SYNPO: variants seen among roughly 807,000 people sequenced by gnomAD.
SYNPO encodes synaptopodin.
A neutral mutation model predicts 49.5 loss-of-function variants in SYNPO; 19 were observed. The ratio of observed to expected loss-of-function variants is 0.38; its 90% CI spans 0.27 to 0.56. The LOEUF is 0.56. SYNPO is among the 20% of genes least tolerant of loss of function. The pLI is 0.68. For synonymous variants in SYNPO, 536 were observed against 548.0 expected, an observed-to-expected ratio of 0.98 and a Z score of 0.31; for missense variants, 1,131 against 1,248.3, an observed-to-expected ratio of 0.91 and a Z score of 1.42.
intron 1 of SYNPO, among the ~76,000 whole-genome samples, chr5:150,603,178 A>T (rs1686081487): frequency 6.6e-6 from 1 of 152,234 alleles, no homozygotes; most frequent in Non-Finnish European, 1.5e-5. Context: ...TTGTCCCCTG[A>T]CTGACATTTT....
rs549971625 is a variant in SYNPO, at chr5:150,619,584, C to A, written c.400+817C>A. ...ACGCTGAATCACCTCCACAGCCAGC[C>A]CATGGAAACGCTGAAGTGGGTCCAG... On this transcript the variant is annotated intron_variant, in intron 2 of 2. Coordinates refer to the SYNPO transcript ENST00000394243. Among the ~76,000 whole-genome samples the A allele has an allele frequency of 3.9e-5, 6 of 152,272 alleles. No individual in the cohort carries two copies. In the East Asian group the frequency reaches 1.2e-3, roughly 30 times the overall value.
intron 1 of SYNPO, chr5:150,615,353 C>T (rs529210054): frequency 4.6e-5 from 7 of 152,190 alleles, no homozygotes; most frequent in Admixed American, 2.0e-4. Flanking sequence ...CCGTGGCCAC[C>T]GTCAAATACA....
the SYNPO span, among the ~76,000 whole-genome samples, chr5:150,586,202 C>T: frequency 1.6e-4 from 24 of 152,226 alleles, no homozygotes; most frequent in South Asian, 4.1e-4. Flanking sequence ...AGGGAAAGCT[C>T]ATGCTTGACA....
At chr5:150,655,313 T>G (rs552907984) in intron 2 of SYNPO, among the ~76,000 whole-genome samples, 16 of 152,186 alleles carry the variant, frequency 1.1e-4, no homozygotes, top group Non-Finnish European at 2.1e-4. Flanking sequence ...CTGACTGGCT[T>G]GGGTCATGAG....
At chr5:150,618,685 G>T (rs780121965) in exon 2 of SYNPO, 18 of 1,551,286 alleles carry the variant, frequency 1.2e-5, no homozygotes, top group Non-Finnish European at 1.6e-5. Flanking sequence ...GGGCCAGCCA[G>T]GACTGGGATG....
At chr5:150,641,515 T>TGG (rs982163873) in intron 1 of SYNPO, among the ~76,000 whole-genome samples, 7 of 152,176 alleles carry the variant, frequency 4.6e-5, no homozygotes, top group Non-Finnish European at 8.8e-5. Flanking sequence ...CTCCCTGTCC[T>TGG]GACCTTCTGC....
At chr5:150,640,609 G>A (rs145505200), upstream of SYNPO, 1 of 978,702 alleles carries the variant, frequency 1.0e-6, no homozygotes, top group African/African-American at 1.7e-5. Context: ...GCGGGGGAGA[G>A]ACTGGGGGTG....
chr5:150,597,522 C>T (rs188541620), upstream of SYNPO, among the ~76,000 whole-genome samples: 48 of 152,068 alleles, frequency 3.2e-4, no homozygotes, highest in African/African-American at 1.1e-3. Flanking sequence ...TTAGTAGAGA[C>T]AAGGTTTCTC....
rs1223079545 is a variant in SYNPO at position 150,656,446 on chromosome 5, G to A, written c.2071G>A (p.Gly691Ser). The change falls in exon 3 of 3, where the codon GGC (glycine) becomes AGC (serine). Residue 691 changes from glycine to serine, a missense_variant. Transcript: ENST00000307662. ...GCCCACCTCCCCACCCTGGACGCCG[G>A]GCGCGTCCCGGCCCCCCAGCAGCCT... ...SLPTSPPWTP[G>S]ASRPPSSLDG... is the part of the protein sequence containing the mutation. 3 of 1,531,980 alleles carry A rather than the reference G, an allele frequency of 2.0e-6. No homozygotes were observed. Among genetic ancestry groups the A allele is most frequent in the Non-Finnish European group, 2.6e-6 (3 of 1,145,322 alleles). The allele number at this position is 1,531,980 out of a possible 1,614,324, so 94.9% of individuals were successfully genotyped here.
In SYNPO at chr5:150,649,611, G is replaced by A; in HGVS notation, c.1336G>A (p.Glu446Lys). 1 of 1,609,096 alleles carries A rather than the reference G, an allele frequency of 6.2e-7. No individual in the cohort carries two copies. The highest frequency in any genetic ancestry group is 1.1e-5 in the South Asian group (1 of 91,012). Residue 446 changes from glutamate to lysine, a missense_variant, in exon 2 of 3, where the codon GAG becomes AAG. Physicochemically the swap from Glu to Lys is moderately conservative, Grantham distance 56. Coordinates refer to ENST00000307662, the MANE Select transcript of SYNPO (RefSeq NM_007286.6). ...TGACAGGGCCAGCCCCGCGGCGGCG[G>A]AGGAGGTGGTACCAGAGTGGGCCTC... ...PRDRASPAAA[E>K]EVVPEWASCL...
intron 2 of SYNPO, among the ~76,000 whole-genome samples, chr5:150,627,482 T>G (rs1245153105): frequency 6.6e-6 from 1 of 152,050 alleles, no homozygotes; most frequent in Non-Finnish European, 1.5e-5. Flanking sequence ...GACACTGAGG[T>G]TGCAGTAGTG....
intron 2 of SYNPO, chr5:150,651,204 G>A (rs1043691623): frequency 1.8e-5 from 18 of 1,009,264 alleles, no homozygotes; most frequent in Non-Finnish European, 2.0e-5. Context: ...TGGCTGTTTT[G>A]GCTTCAGATT....
At chr5:150,601,482 G>C (rs1298609275) in intron 1 of SYNPO, among the ~76,000 whole-genome samples, 1 of 152,166 alleles carries the variant, frequency 6.6e-6, no homozygotes, top group African/African-American at 2.4e-5. Flanking sequence ...GGTGGGTGAG[G>C]GGCTGTGCAG....
chr5:150,587,355 G>T, the SYNPO span, among the ~76,000 whole-genome samples: 1 of 151,126 alleles, frequency 6.6e-6, no homozygotes, highest in East Asian at 2.0e-4. Flanking sequence ...CAGGGATGAA[G>T]ATGTGGATTC....
At chr5:150,591,124 C>G in the SYNPO span, among the ~76,000 whole-genome samples, 4 of 152,120 alleles carry the variant, frequency 2.6e-5, no homozygotes, top group African/African-American at 9.7e-5. Context: ...GGAGGGGTGT[C>G]TGGAGGACAT....
Position 150,648,449 on chromosome 5 carries a change from T to C in SYNPO, c.174T>C (p.Pro58=), listed in dbSNP as rs753032848. Residue 58 remains proline (P), a synonymous_variant, in exon 2 of 3, where the codon CCT becomes CCC. Transcript: ENST00000307662. The surrounding 1 kb of genome is among the most constrained non-coding windows in gnomAD (Gnocchi z 5.0). ...REAQQSSPAP[P]PAEVHSPAAD... Reference sequence around the variant, plus strand: ...CCCAGCAGTCCTCACCGGCCCCACCTCCAGCTGAGGTCCACAGCCCAGCTG... The same window carrying C: ...CCCAGCAGTCCTCACCGGCCCCACCCCCAGCTGAGGTCCACAGCCCAGCTG... The C allele has an allele frequency of 6.2e-7, 1 of 1,613,968 alleles. No individual in the cohort carries two copies.
upstream of SYNPO, among the ~76,000 whole-genome samples, chr5:150,598,089 C>T (rs969562600): frequency 6.6e-6 from 1 of 152,148 alleles, no homozygotes; most frequent in African/African-American, 2.4e-5. Flanking sequence ...ATACCCACTG[C>T]CCTCGCAACA....
At chr5:150,618,991 G>A (rs935740283) in intron 2 of SYNPO, among the ~76,000 whole-genome samples, 2 of 152,102 alleles carry the variant, frequency 1.3e-5, no homozygotes, top group African/African-American at 4.8e-5. Context: ...GCCAAAGAGG[G>A]CACGTGAGAA....
Position 150,656,811 on chromosome 5 carries a change from G to A in SYNPO, c.2436G>A (p.Ser812=). The A allele has an allele frequency of 6.9e-7, 1 of 1,446,366 alleles. No homozygotes were observed. The highest frequency in any genetic ancestry group is 2.3e-5 in the Admixed American group (1 of 43,114). The allele number at this position is 1,446,366 out of a possible 1,614,324, so 89.6% of individuals were successfully genotyped here. A position where few individuals can be genotyped will look rare whatever the true frequency, so the allele number is the denominator to read the frequency against. Residue 812 remains serine (S), a synonymous_variant, in exon 3 of 3, where the codon TCG becomes TCA. Coordinates refer to ENST00000307662, the MANE Select transcript of SYNPO (RefSeq NM_007286.6). ...CGCCACAGCCCGCCCGCCCCGGCTC[G>A]GCTGCTGTGCCGGGGGCAGCCTTCG... ...MRSPQPARPG[S]AAVPGAAFAP... is the part of the protein sequence containing the mutation.
Sources: gnomAD v4.1 joint callset for allele counts (sites outside exome capture counted in the v4.1 genomes callset) on GRCh38, gnomAD v4.1.1 for gene constraint, Gnocchi (gnomAD v3.1) non-coding constraint, MANE v1.5 for transcripts, NCBI Gene and HGNC (gene_info 2026-07-23, HGNC 2026-07-21) for gene names.